The following TP63 variants were observed in gnomAD, a reference collection of about 807,000 sequenced individuals.
TP63 encodes tumor protein p63, also known as tumor protein 63.
A neutral mutation model predicts 82.8 loss-of-function variants in TP63; 17 were observed. That is an observed-to-expected ratio of 0.21 (90% CI 0.14 to 0.31). The LOEUF (loss-of-function observed/expected upper bound fraction) is 0.31, where lower values mean the gene tolerates loss of function less well. TP63 is among the 10% of genes least tolerant of loss of function. TP63 has a pLI of 1.00. For synonymous variants in TP63, 330 were observed against 321.7 expected, an observed-to-expected ratio of 1.03 and a Z score of -0.28; for missense variants, 648 against 895.3, an observed-to-expected ratio of 0.72 and a Z score of 3.52.
chr3:189,708,348 T>A lies in TP63; in HGVS notation c.63-29392T>A, dbSNP rs150446957. ...CAACAGTTTCAAAGAAACCACAATC[T>A]ATCTTTGTTTTCTCGTTTGTTTGTT... On this transcript the variant is annotated intron_variant, in intron 1 of 13. Coordinates refer to ENST00000264731, the MANE Select transcript of TP63 (RefSeq NM_003722.5). Among the ~76,000 whole-genome samples, 11 of 152,344 alleles carry A rather than the reference T, an allele frequency of 7.2e-5. No homozygotes were observed. In the East Asian group the frequency reaches 2.1e-3, roughly 29 times the overall value.
Position 189,811,126 on chromosome 3 carries a change from T to C in TP63, c.579+2600T>C, listed in dbSNP as rs1001470927. On this transcript the variant is annotated intron_variant, in intron 4 of 13. Coordinates refer to ENST00000264731, the MANE Select transcript of TP63 (RefSeq NM_003722.5). ...ACTGAGAGACAGAAAACCTGGATTA[T>C]GGTCTTGATCATTTATGCAAACTTA... Among the ~76,000 whole-genome samples, 8 of 152,208 alleles carry C rather than the reference T, an allele frequency of 5.3e-5. No individual in the cohort carries two copies. The East Asian group carries it at 1.5e-3, about 29-fold the overall frequency.
At chr3:189,818,478 A>G (rs1450251521) in intron 4 of TP63, among the ~76,000 whole-genome samples, 2 of 152,098 alleles carry the variant, frequency 1.3e-5, no homozygotes, top group Non-Finnish European at 2.9e-5. Flanking sequence ...TCTAGAACTG[A>G]CTGCTATTAT....
At chr3:189,878,384 CCTTT>C (rs1486102660) in intron 10 of TP63, among the ~76,000 whole-genome samples, 2 of 134,966 alleles carry the variant, frequency 1.5e-5, no homozygotes, top group Non-Finnish European at 3.2e-5. Context: ...TTTACAGTTT[CCTTT>C]TTTTTTTTTT....
intron 3 of TP63, among the ~76,000 whole-genome samples, chr3:189,787,857 C>T (rs55803942): frequency 0.084 from 12,756 of 151,970 alleles, 591 homozygotes; most frequent in African/African-American, 0.11. Context: ...GTTGTTGGGG[C>T]TGTAACCCTG....
intron 1 of TP63, among the ~76,000 whole-genome samples, chr3:189,725,628 G>A (rs1468748786): frequency 6.6e-6 from 1 of 152,130 alleles, no homozygotes; most frequent in Non-Finnish European, 1.5e-5. Flanking sequence ...AGGGAATTTA[G>A]CAATATGGGG....
intron 1 of TP63, among the ~76,000 whole-genome samples, chr3:189,728,099 T>A (rs769849602): frequency 4.6e-5 from 7 of 151,742 alleles, no homozygotes; most frequent in Non-Finnish European, 8.8e-5. Flanking sequence ...GGATCCAGGA[T>A]GGCTAGGCTC....
intron 4 of TP63, among the ~76,000 whole-genome samples, chr3:189,823,137 C>G (rs1728968489): frequency 6.6e-6 from 1 of 152,170 alleles, no homozygotes; most frequent in African/African-American, 2.4e-5. Flanking sequence ...AGAGTAGACT[C>G]TCCAGACAGG....
At chr3:189,832,412 C>G (rs13064847) in intron 4 of TP63, among the ~76,000 whole-genome samples, 9,835 of 152,152 alleles carry the variant, frequency 0.065, 328 homozygotes, top group African/African-American at 0.076. Context: ...GGTTATATTA[C>G]CTGTAGTACA....
intron 1 of TP63, among the ~76,000 whole-genome samples, chr3:189,730,236 G>A (rs1210807472): frequency 6.6e-6 from 1 of 152,124 alleles, no homozygotes; most frequent in Non-Finnish European, 1.5e-5. Context: ...AATCCTAACT[G>A]TCTTTTCTTA....
At chr3:189,613,413 G>A in the TP63 span, among the ~76,000 whole-genome samples, 6 of 152,092 alleles carry the variant, frequency 3.9e-5, no homozygotes, top group Admixed American at 3.9e-4. Flanking sequence ...TTGAGATTTG[G>A]GAACCTCCAC....
intron 3 of TP63, among the ~76,000 whole-genome samples, chr3:189,753,748 T>TACTG (rs1721989091): frequency 1.3e-5 from 2 of 152,100 alleles, no homozygotes. Context: ...TTTCTTTTTA[T>TACTG]ACTGACTTCT....
chr3:189,803,114 C>T (rs1471349229), intron 3 of TP63, among the ~76,000 whole-genome samples: 1 of 152,142 alleles, frequency 6.6e-6, no homozygotes, highest in Non-Finnish European at 1.5e-5. Context: ...GCCCGACCAA[C>T]ATGGAGAAAC....
chr3:189,793,796 A>G (rs1264663143), intron 3 of TP63, among the ~76,000 whole-genome samples: 1 of 152,106 alleles, frequency 6.6e-6, no homozygotes, highest in East Asian at 1.9e-4. Context: ...AAGTTTTACT[A>G]TTTTGAAGAT....
At position 189,650,903 on chromosome 3, in the gene TP63, G is replaced by A. The variant is rs575394359; in HGVS notation, c.62+19326G>A. Among the ~76,000 whole-genome samples, 43 of 146,954 alleles carry A rather than the reference G, an allele frequency of 2.9e-4. 6 individuals carry two copies. Among genetic ancestry groups the A allele is most frequent in the African/African-American group, 5.6e-4 (22 of 39,174 alleles). The stretch of plus-strand genomic sequence containing the variant: ...AAAGTTTGGAACTTCCTAGAGATCC[G>A]GAGGGCTCAGAAGACAGGAAGATGT... On this transcript the variant is annotated intron_variant, in intron 1 of 13. Transcript: ENST00000264731.
chr3:189,744,826 C>T (rs965427112), intron 3 of TP63, among the ~76,000 whole-genome samples: 1 of 152,204 alleles, frequency 6.6e-6, no homozygotes, highest in African/African-American at 2.4e-5. Context: ...TGCCTGGACT[C>T]ACTAACAATG....
chr3:189,622,792 C>T, the TP63 span, among the ~76,000 whole-genome samples: 1 of 152,238 alleles, frequency 6.6e-6, no homozygotes, highest in African/African-American at 2.4e-5. Flanking sequence ...CCGTCTGAGT[C>T]TTAGCTTCCT....
the TP63 span, among the ~76,000 whole-genome samples, chr3:189,616,353 A>G: frequency 1.3e-5 from 2 of 152,178 alleles, no homozygotes; most frequent in African/African-American, 2.4e-5. Flanking sequence ...CCTCTCCACA[A>G]CAAGCTAACA....
intron 4 of TP63, among the ~76,000 whole-genome samples, chr3:189,845,940 G>A (rs1272464588): frequency 6.6e-6 from 1 of 151,684 alleles, no homozygotes; most frequent in East Asian, 1.9e-4. Flanking sequence ...AGTAGGCAGG[G>A]AGGGTTTTGA....
intron 1 of TP63, among the ~76,000 whole-genome samples, chr3:189,657,062 T>C (rs957596560): frequency 3.3e-5 from 5 of 150,840 alleles, no homozygotes; most frequent in African/African-American, 1.2e-4. Flanking sequence ...TGCATATTGC[T>C]AAGGGGAAGA....
Sources: gnomAD v4.1 joint callset for allele counts (sites outside exome capture counted in the v4.1 genomes callset) on GRCh38, gnomAD v4.1.1 for gene constraint, MANE v1.5 for transcripts, NCBI Gene and HGNC (gene_info 2026-07-23, HGNC 2026-07-21) for gene names.